The following DLC1 variants were observed in gnomAD, a reference collection of about 807,000 sequenced individuals.
The protein encoded by DLC1 is rho GTPase-activating protein 7.
In DLC1, 54 loss-of-function variants were observed where a neutral mutation model predicts 140.3. The observed-to-expected ratio is 0.38, with a 90% CI of 0.31 to 0.48. The LOEUF is 0.48. Ranked by LOEUF, DLC1 falls within the 20% of genes least tolerant of loss-of-function variation. DLC1 has a pLI of 0.96. For synonymous variants in DLC1, 986 were observed against 728.1 expected (o/e 1.35, Z -5.70); for missense variants, 2,536 against 1,907.0 (o/e 1.33, Z -6.14).
At chr8:13,567,146 G>A in intron 1 of DLC1, 2 of 1,551,712 alleles carry the variant, frequency 1.3e-6, no homozygotes, top group Non-Finnish European at 1.7e-6. Context: ...CTGACCTCTG[G>A]GAGCAAACTG....
intron 5 of DLC1, among the ~76,000 whole-genome samples, chr8:13,152,976 A>G (rs1022184220): frequency 4.6e-5 from 7 of 152,208 alleles, no homozygotes; most frequent in Non-Finnish European, 8.8e-5. Context: ...ACTTTAAGGT[A>G]TATTTTCTTC....
At position 13,099,638 on chromosome 8, in the gene DLC1, T is replaced by G. The variant is rs1818830141; in HGVS notation, c.2699A>C (p.Glu900Ala). The change falls in exon 9 of 18, where the codon GAG (glutamate) becomes GCG (alanine). Residue 900 changes from glutamate to alanine, a missense_variant. Coordinates refer to ENST00000276297, the MANE Select transcript of DLC1 (RefSeq NM_182643.3). ...SSGDLADLEN[E>A]DIFPELDDIL... ...GTCGTCCAGCTCGGGGAAGATGTCC[T>G]CGTTCTCCAGATCCGCCAGGTCCCC... is the stretch of plus-strand genomic sequence containing the variant. The G allele has an allele frequency of 3.1e-6, 5 of 1,614,178 alleles. No homozygotes were observed. In the East Asian group the frequency reaches 1.1e-4, roughly 36 times the overall value.
chr8:13,119,226 TAAAA>T (rs757073542), intron 5 of DLC1, among the ~76,000 whole-genome samples: 5 of 119,700 alleles, frequency 4.2e-5, no homozygotes, highest in Non-Finnish European at 1.7e-5. Flanking sequence ...AGACCCTGTC[TAAAA>T]AAAAAAAAAA....
chr8:13,305,435 G>T, intron 4 of DLC1, 133 bp from the exon 5 acceptor site: 2 of 862,870 alleles, frequency 2.3e-6, no homozygotes, highest in Non-Finnish European at 3.5e-6. Flanking sequence ...TAGCATTTTG[G>T]AACTATCAGT....
At chr8:13,400,170 G>C (rs182740348) in intron 3 of DLC1, among the ~76,000 whole-genome samples, 99 of 152,258 alleles carry the variant, frequency 6.5e-4, no homozygotes, top group African/African-American at 2.3e-3. Context: ...GAGTTTTGAG[G>C]GCTTTGGGAT....
At chr8:13,466,141 T>A (rs1476231657) in intron 2 of DLC1, among the ~76,000 whole-genome samples, 1 of 152,126 alleles carries the variant, frequency 6.6e-6, no homozygotes, top group Non-Finnish European at 1.5e-5. Flanking sequence ...CACCTGCTTG[T>A]TCTAAACCTA....
intron 5 of DLC1, among the ~76,000 whole-genome samples, chr8:13,143,695 A>T (rs747067766): frequency 7.3e-5 from 11 of 151,470 alleles, no homozygotes; most frequent in Non-Finnish European, 1.3e-4. Flanking sequence ...TCCAGGCCTG[A>T]GCCACCACAC....
chr8:13,497,349 A>G (rs1265486304), intron 2 of DLC1, among the ~76,000 whole-genome samples: 1 of 152,192 alleles, frequency 6.6e-6, no homozygotes, highest in African/African-American at 2.4e-5. Context: ...TTCTAGGATA[A>G]ATTCCCAACC....
chr8:13,095,156 C>T lies in DLC1; in HGVS notation c.3257G>A (p.Arg1086His), dbSNP rs544550072. 1.4e-5 allele frequency: 22 copies of T among 1,614,240 alleles called. No homozygotes were observed. The highest frequency in any genetic ancestry group is 1.7e-5 in the Non-Finnish European group (20 of 1,180,046). Reference protein sequence around the residue: ...FGVPLTVNVQRTGQPLPQSIQ... With the variant: ...FGVPLTVNVQHTGQPLPQSIQ... ...GCTCTGAGGCAACGGTTGTCCTGTG[C>T]GCTGCACGTTGACCGTCAGTGGGAC... is the stretch of plus-strand genomic sequence containing the variant. The change falls in exon 11 of 18, where the codon CGC becomes CAC. Residue 1086 changes from arginine (R) to histidine (H), a missense_variant. Physicochemically the swap from Arg to His is conservative, Grantham distance 29. Transcript: ENST00000276297.
At chr8:13,288,466 C>G (rs188752567) in intron 5 of DLC1, among the ~76,000 whole-genome samples, 20 of 152,316 alleles carry the variant, frequency 1.3e-4, no homozygotes, top group Admixed American at 3.3e-4. Flanking sequence ...ATCACTGTGC[C>G]TCATGCATTT....
chr8:13,597,928 G>A (rs965002570), intron 1 of DLC1, among the ~76,000 whole-genome samples: 1 of 151,978 alleles, frequency 6.6e-6, no homozygotes, highest in Non-Finnish European at 1.5e-5. Context: ...TTTAGTCACC[G>A]CTTTATGGGA....
chr8:13,395,087 C>T (rs1836972005), intron 3 of DLC1, among the ~76,000 whole-genome samples: 2 of 150,830 alleles, frequency 1.3e-5, no homozygotes, highest in Admixed American at 1.3e-4. Context: ...ATTTGTCTAC[C>T]TTCCTATCCA....
chr8:13,099,895 C>T lies in DLC1; in HGVS notation c.2442G>A (p.Lys814=). 1 of 1,614,168 alleles carries T rather than the reference C, an allele frequency of 6.2e-7. No individual in the cohort carries two copies. Among genetic ancestry groups the T allele is most frequent in the Non-Finnish European group, 8.5e-7 (1 of 1,180,048 alleles). Residue 814 remains lysine, a synonymous_variant, in exon 9 of 18, where the codon AAG becomes AAA. Transcript: ENST00000276297. ...DTVFYIPEDH[K]PGTFPKALTN... is the part of the protein sequence containing the mutation. ...TGAGAGCTTTGGGGAAAGTGCCAGG[C>T]TTGTGATCTTCAGGGATGTAGAACA...
rs1030667853 is a variant in DLC1 at position 13,100,478 on chromosome 8, G to C, written c.1859C>G (p.Ser620Cys). ...SEDAATPRTN[S>C]VISVCSSSNL... Reference sequence around the variant, plus strand: ...GCTGGAGGAGCAAACGCTGATGACGGAGTTAGTCCGGGGGGTGGCAGCATC... The same window carrying C: ...GCTGGAGGAGCAAACGCTGATGACGCAGTTAGTCCGGGGGGTGGCAGCATC... Residue 620 changes from serine to cysteine, a missense_variant, in exon 9 of 18, where the codon TCC becomes TGC. Ser to Cys is a moderately radical substitution (Grantham distance 112, BLOSUM62 -1). Coordinates refer to ENST00000276297, the MANE Select transcript of DLC1 (RefSeq NM_182643.3). The C allele has an allele frequency of 3.7e-6, 6 of 1,613,064 alleles. No individual in the cohort carries two copies. In the African/African-American group the frequency reaches 5.3e-5, roughly 14 times the overall value.
At chr8:13,333,362 A>C (rs1256277324) in intron 4 of DLC1, among the ~76,000 whole-genome samples, 1 of 151,878 alleles carries the variant, frequency 6.6e-6, no homozygotes, top group Admixed American at 6.6e-5. Context: ...AGTAGCTGAG[A>C]CTACACCTGA....
chr8:13,258,326 A>G (rs1830337087), intron 5 of DLC1, among the ~76,000 whole-genome samples: 1 of 152,244 alleles, frequency 6.6e-6, no homozygotes, highest in African/African-American at 2.4e-5. Context: ...TCAACAGAAT[A>G]CAGAGAAGTA....
chr8:13,271,516 T>C (rs1350395490), intron 5 of DLC1, among the ~76,000 whole-genome samples: 1 of 152,178 alleles, frequency 6.6e-6, no homozygotes, highest in Non-Finnish European at 1.5e-5. Context: ...AGACATATGA[T>C]CCTGAACACT....
chr8:13,297,842 C>T (rs1008644994), intron 5 of DLC1, among the ~76,000 whole-genome samples: 2 of 151,980 alleles, frequency 1.3e-5, no homozygotes, highest in East Asian at 1.9e-4. Context: ...AGACTGGGAA[C>T]AGTGGAAGTG....
intron 4 of DLC1, among the ~76,000 whole-genome samples, chr8:13,376,205 A>G (rs1308884652): frequency 3.3e-5 from 5 of 152,288 alleles, no homozygotes; most frequent in East Asian, 1.9e-4. Context: ...TCCAGAGAAA[A>G]TGGAAAACAT....
Sources: gnomAD v4.1 joint callset for allele counts (sites outside exome capture counted in the v4.1 genomes callset) on GRCh38, gnomAD v4.1.1 for gene constraint, MANE v1.5 for transcripts, NCBI Gene and HGNC (gene_info 2026-07-23, HGNC 2026-07-21) for gene names.